PTPRD: variants seen among roughly 807,000 people sequenced by gnomAD.
The protein encoded by PTPRD is receptor-type tyrosine-protein phosphatase delta.
In PTPRD, 34 loss-of-function variants were observed where a neutral mutation model predicts 214.5. The ratio of observed to expected loss-of-function variants is 0.16; its 90% CI spans 0.12 to 0.21. PTPRD has a LOEUF of 0.21. Among genes scored for constraint, PTPRD ranks in the 10% least tolerant of loss-of-function variants. PTPRD has a pLI of 1.00. For synonymous variants in PTPRD, 1,128 were observed against 845.7 expected, an observed-to-expected ratio of 1.33 and a Z score of -5.79; for missense variants, 2,545 against 2,398.7, an observed-to-expected ratio of 1.06 and a Z score of -1.27.
intron 39 of PTPRD, 129 bp downstream of exon 39, chr9:8,375,807 G>C (rs1483422170): frequency 3.5e-6 from 4 of 1,131,854 alleles, no homozygotes; most frequent in Non-Finnish European, 4.9e-6. Flanking sequence ...GGCCTCATTT[G>C]ACCAAAAGAG....
intron 12 of PTPRD, among the ~76,000 whole-genome samples, chr9:8,658,429 T>C (rs760825901): frequency 1.3e-5 from 2 of 152,186 alleles, no homozygotes; most frequent in Non-Finnish European, 2.9e-5. Context: ...TAAGGCAATT[T>C]TTCCCACAAA....
intron 2 of PTPRD, among the ~76,000 whole-genome samples, chr9:10,482,220 A>T (rs7047101): frequency 2.0e-5 from 3 of 151,346 alleles, no homozygotes; most frequent in Non-Finnish European, 4.4e-5. Flanking sequence ...AAATACAAAA[A>T]ATTAGCCGGG....
At chr9:10,032,805 T>A (rs1460451219) in intron 4 of PTPRD, among the ~76,000 whole-genome samples, 2 of 152,216 alleles carry the variant, frequency 1.3e-5, no homozygotes, top group Non-Finnish European at 2.9e-5. Flanking sequence ...ATGACTTTTT[T>A]GTTATATCTT....
At chr9:10,162,618 C>T (rs2099133943) in intron 3 of PTPRD, among the ~76,000 whole-genome samples, 1 of 148,604 alleles carries the variant, frequency 6.7e-6, no homozygotes, top group Non-Finnish European at 1.5e-5. Flanking sequence ...TACGTATATA[C>T]ACATATATAC....
intron 12 of PTPRD, among the ~76,000 whole-genome samples, chr9:8,695,340 A>G (rs551617803): frequency 1.3e-5 from 2 of 152,226 alleles, no homozygotes; most frequent in Admixed American, 6.5e-5. Context: ...AACTGAGACC[A>G]CTTCACTTTT....
Position 10,406,412 on chromosome 9 carries a change from A to G in PTPRD, c.-599-65395T>C, listed in dbSNP as rs182617378. Reference sequence around the variant, plus strand: ...AATAGTAAGAATGTATGTCATGTCTACACAGATTTCATAGTATTCATTTGC... The same window carrying G: ...AATAGTAAGAATGTATGTCATGTCTGCACAGATTTCATAGTATTCATTTGC... On this transcript the variant is annotated intron_variant, in intron 2 of 45. Transcript: ENST00000381196. Among the ~76,000 whole-genome samples, 101 of 151,716 alleles carry G rather than the reference A, an allele frequency of 6.7e-4. 1 individual carries two copies. The highest frequency in any genetic ancestry group is 1.2e-3 in the Non-Finnish European group (84 of 67,712).
At chr9:10,098,183 G>A (rs191582703) in intron 3 of PTPRD, among the ~76,000 whole-genome samples, 3 of 151,702 alleles carry the variant, frequency 2.0e-5, no homozygotes, top group African/African-American at 7.3e-5. Context: ...ATGAGTTCAT[G>A]TCCTTTGTAG....
intron 8 of PTPRD, among the ~76,000 whole-genome samples, chr9:9,503,045 G>A (rs538385987): frequency 1.3e-5 from 2 of 151,808 alleles, no homozygotes; most frequent in South Asian, 4.2e-4. Flanking sequence ...ATTGTGTCAA[G>A]GTCTGTGTAT....
intron 9 of PTPRD, among the ~76,000 whole-genome samples, chr9:9,374,318 T>G (rs2060246222): frequency 6.6e-6 from 1 of 151,910 alleles, no homozygotes. Flanking sequence ...GGAATATAGT[T>G]ATATGTAATT....
intron 39 of PTPRD, among the ~76,000 whole-genome samples, chr9:8,349,312 C>CA (rs2074767231): frequency 6.6e-6 from 1 of 152,050 alleles, no homozygotes; most frequent in Non-Finnish European, 1.5e-5. Flanking sequence ...AAAAGTATCC[C>CA]AGCCTACTTT....
At chr9:10,347,759 T>C (rs1413582660) in intron 2 of PTPRD, among the ~76,000 whole-genome samples, 1 of 151,912 alleles carries the variant, frequency 6.6e-6, no homozygotes, top group African/African-American at 2.4e-5. Flanking sequence ...TTGCTAGCTA[T>C]TTTGAAATGT....
At chr9:9,278,281 G>A (rs954251242) in intron 9 of PTPRD, among the ~76,000 whole-genome samples, 1 of 151,144 alleles carries the variant, frequency 6.6e-6, no homozygotes, top group Non-Finnish European at 1.5e-5. Flanking sequence ...GGCATTTTCA[G>A]AATCTTTTAT....
rs141604755 is a variant in PTPRD at position 8,507,366 on chromosome 9, G to T, written c.1612C>A (p.Pro538Thr). Residue 538 changes from proline (P) to threonine (T), a missense_variant, in exon 22 of 46, where the codon CCT (proline) becomes ACT (threonine). By Grantham distance (38) the Pro-to-Thr change is conservative. Coordinates refer to ENST00000381196, the MANE Select transcript of PTPRD (RefSeq NM_002839.4). ...SETSILLSWT[P>T]PRSDTIANYE... ...TTGGCAATGGTATCTGAACGTGGAG[G>T]TGTCCAAGAGAGCAAAATACTTGTT... 6.2e-7 allele frequency: 1 copy of T among 1,613,972 alleles called. No homozygotes were observed. Among genetic ancestry groups the T allele is most frequent in the Non-Finnish European group, 8.5e-7 (1 of 1,179,864 alleles).
At chr9:9,738,173 G>A (rs1468351350) in intron 6 of PTPRD, among the ~76,000 whole-genome samples, 5 of 151,936 alleles carry the variant, frequency 3.3e-5, no homozygotes, top group African/African-American at 9.7e-5. Context: ...TAACGGGTGA[G>A]GCACACCAAC....
intron 8 of PTPRD, among the ~76,000 whole-genome samples, chr9:9,550,885 C>A (rs112520052): frequency 6.6e-6 from 1 of 151,776 alleles, no homozygotes; most frequent in Non-Finnish European, 1.5e-5. Context: ...ATTAAAATCA[C>A]AAGAACATAT....
intron 9 of PTPRD, among the ~76,000 whole-genome samples, chr9:9,223,434 C>G (rs1052482360): frequency 1.3e-5 from 2 of 152,010 alleles, no homozygotes; most frequent in African/African-American, 4.8e-5. Context: ...CAGCAGAGTT[C>G]TCTAGTTCAC....
At chr9:9,838,929 G>T (rs1239593676) in intron 5 of PTPRD, among the ~76,000 whole-genome samples, 1 of 151,966 alleles carries the variant, frequency 6.6e-6, no homozygotes, top group East Asian at 1.9e-4. Context: ...AATCCATCTT[G>T]AATTAATTTT....
intron 35 of PTPRD, among the ~76,000 whole-genome samples, chr9:8,416,736 T>C (rs1200758757): frequency 6.6e-6 from 1 of 152,158 alleles, no homozygotes; most frequent in Non-Finnish European, 1.5e-5. Flanking sequence ...CAGGTTAAAT[T>C]ACTTCTGATT....
At chr9:8,653,275 C>G (rs2096848004) in intron 12 of PTPRD, among the ~76,000 whole-genome samples, 1 of 152,134 alleles carries the variant, frequency 6.6e-6, no homozygotes, top group African/African-American at 2.4e-5. Flanking sequence ...TGGGGGCTGC[C>G]AGAGCATCTT....
Sources: allele counts gnomAD v4.1 joint callset (sites outside exome capture counted in the v4.1 genomes callset), GRCh38; gene constraint gnomAD v4.1.1; transcripts MANE v1.5; gene names NCBI Gene and HGNC (gene_info 2026-07-23, HGNC 2026-07-21).